The following GRM7 variants were observed in gnomAD, a reference collection of about 807,000 sequenced individuals.
GRM7 encodes the protein metabotropic glutamate receptor 7.
Under a neutral mutation model 84.5 loss-of-function variants are expected in GRM7, and 35 were observed. The ratio of observed to expected loss-of-function variants is 0.41; its 90% confidence interval spans 0.32 to 0.55. The LOEUF is 0.55. GRM7 is among the 20% of genes least tolerant of loss of function. The pLI is 0.19. For missense variants in GRM7, 1,003 were observed against 1,194.6 expected (o/e 0.84, Z 2.36); for synonymous variants, 487 against 455.1 (o/e 1.07, Z -0.89).
intron 8 of GRM7, among the ~76,000 whole-genome samples, chr3:7,580,222 A>T (rs1695180818): frequency 6.6e-6 from 1 of 152,192 alleles, no homozygotes; most frequent in Non-Finnish European, 1.5e-5. Context: ...CAACCCTAAT[A>T]TATTGATAGT....
intron 4 of GRM7, among the ~76,000 whole-genome samples, chr3:7,346,724 A>G (rs778224485): frequency 3.9e-5 from 6 of 152,186 alleles, no homozygotes; most frequent in Non-Finnish European, 8.8e-5. Flanking sequence ...CAGTGAACTC[A>G]GGTCACAGAA....
intron 4 of GRM7, among the ~76,000 whole-genome samples, chr3:7,309,837 C>T (rs781000168): frequency 3.3e-5 from 5 of 152,074 alleles, no homozygotes; most frequent in African/African-American, 4.8e-5. Flanking sequence ...GCTGTGGTCC[C>T]GCTGCCTGCC....
intron 1 of GRM7, among the ~76,000 whole-genome samples, chr3:7,039,714 GAA>G (rs36047929): frequency 4.7e-5 from 7 of 150,058 alleles, no homozygotes; most frequent in African/African-American, 9.7e-5. Flanking sequence ...GAGTAACTGA[GAA>G]AAAAAAAAAT....
At chr3:7,378,090 T>C (rs1205035876) in intron 4 of GRM7, among the ~76,000 whole-genome samples, 1 of 152,142 alleles carries the variant, frequency 6.6e-6, no homozygotes, top group African/African-American at 2.4e-5. Context: ...TAGACAAAAT[T>C]ATATGACTTC....
chr3:7,627,739 G>T (rs907425978), intron 8 of GRM7, among the ~76,000 whole-genome samples: 3 of 152,150 alleles, frequency 2.0e-5, no homozygotes, highest in Non-Finnish European at 4.4e-5. Flanking sequence ...GGTGTTAGCA[G>T]AATTGGTTTC....
intron 1 of GRM7, among the ~76,000 whole-genome samples, chr3:6,969,430 G>C (rs756389434): frequency 4.6e-5 from 7 of 152,094 alleles, no homozygotes; most frequent in Non-Finnish European, 8.8e-5. Flanking sequence ...TTCTGAGGTC[G>C]CATAGTGTAT....
intron 1 of GRM7, among the ~76,000 whole-genome samples, chr3:7,005,516 T>C (rs1435919070): frequency 4.6e-5 from 7 of 152,204 alleles, no homozygotes; most frequent in African/African-American, 1.7e-4. Flanking sequence ...AATAGTACCA[T>C]ATGTTAATTT....
At chr3:7,717,850 T>C (rs1419065032) in intron 9 of GRM7, among the ~76,000 whole-genome samples, 2 of 152,236 alleles carry the variant, frequency 1.3e-5, no homozygotes, top group Non-Finnish European at 1.5e-5. Context: ...TTCAAACCCA[T>C]ACCTGTGTGT....
At chr3:7,047,614 A>T (rs768642404) in intron 1 of GRM7, among the ~76,000 whole-genome samples, 1 of 152,078 alleles carries the variant, frequency 6.6e-6, no homozygotes, top group African/African-American at 2.4e-5. Flanking sequence ...AGTGGTCCCT[A>T]TTGTCTAGTA....
chr3:7,612,381 C>A (rs752362003), intron 8 of GRM7, among the ~76,000 whole-genome samples: 3 of 152,066 alleles, frequency 2.0e-5, no homozygotes, highest in Non-Finnish European at 4.4e-5. Flanking sequence ...TATGCCAGGC[C>A]CTGGGCTAAG....
chr3:7,093,153 C>T (rs1698727932), intron 1 of GRM7, among the ~76,000 whole-genome samples: 1 of 152,054 alleles, frequency 6.6e-6, no homozygotes, highest in Non-Finnish European at 1.5e-5. Context: ...GATGCAGAGA[C>T]CTTTGCCATT....
At chr3:7,321,891 C>T (rs1478696167) in intron 4 of GRM7, among the ~76,000 whole-genome samples, 1 of 152,092 alleles carries the variant, frequency 6.6e-6, no homozygotes, top group Admixed American at 6.6e-5. Context: ...ATCATTCATG[C>T]AGATGCTTAT....
chr3:7,579,004 A>G lies in GRM7; in HGVS notation c.2098A>G (p.Thr700Ala), dbSNP rs370085401. The G allele has an allele frequency of 6.2e-6, 10 of 1,613,970 alleles. No individual in the cohort carries two copies. The highest frequency in any genetic ancestry group is 1.1e-5 in the South Asian group (1 of 91,088). Reference protein sequence around the residue: ...SVTAPRLISPTSQLAITSSLI... With the variant: ...SVTAPRLISPASQLAITSSLI... ...AACAGCTCCCAGACTCATAAGCCCA[A>G]CATCACAACTGGCAATCACTTCCAG... The change falls in exon 8 of 10, where the codon ACA becomes GCA. Residue 700 changes from threonine (T) to alanine (A), a missense_variant. Coordinates refer to ENST00000357716, the MANE Select transcript of GRM7 (RefSeq NM_000844.4).
At chr3:7,091,000 T>C (rs115840749) in intron 1 of GRM7, among the ~76,000 whole-genome samples, 1 of 152,302 alleles carries the variant, frequency 6.6e-6, no homozygotes, top group Non-Finnish European at 1.5e-5. Flanking sequence ...AAAAATTTGT[T>C]TCCAAATAAT....
intron 5 of GRM7, among the ~76,000 whole-genome samples, chr3:7,435,851 CTTTTTTTTTTTTTT>C (rs34860272): frequency 7.8e-5 from 7 of 89,270 alleles, no homozygotes; most frequent in Non-Finnish European, 8.4e-5. Context: ...CCACACCCAT[CTTTTTTTTTTTTTT>C]TTTTTTTTTT....
Position 7,117,158 on chromosome 3 carries a change from C to T in GRM7, c.520-29294C>T, listed in dbSNP as rs75926007. Among the ~76,000 whole-genome samples the T allele has an allele frequency of 5.2e-3, 786 of 152,200 alleles. 2 individuals are homozygous for T. The highest frequency in any genetic ancestry group is 8.2e-3 in the Admixed American group (125 of 15,266). On this transcript the variant is annotated intron_variant, in intron 1 of 9. Coordinates refer to ENST00000357716, the MANE Select transcript of GRM7 (RefSeq NM_000844.4). Reference sequence around the variant, plus strand: ...AAAGAGTGGAGGAGATGGGAAACCCCGCAGTGGCAGCCTTGTAAAGAAAAG... The same window carrying T: ...AAAGAGTGGAGGAGATGGGAAACCCTGCAGTGGCAGCCTTGTAAAGAAAAG...
chr3:7,244,397 G>A (rs1697677180), intron 2 of GRM7, among the ~76,000 whole-genome samples: 1 of 151,966 alleles, frequency 6.6e-6, no homozygotes, highest in African/African-American at 2.4e-5. Flanking sequence ...TAAATTACAT[G>A]CTGATCACTA....
At chr3:7,666,184 T>C (rs1347456157) in intron 8 of GRM7, among the ~76,000 whole-genome samples, 1 of 152,200 alleles carries the variant, frequency 6.6e-6, no homozygotes, top group Non-Finnish European at 1.5e-5. Flanking sequence ...GAGTTACATT[T>C]CTTCATCAGA....
At chr3:6,947,121 G>C (rs1698115259) in intron 1 of GRM7, among the ~76,000 whole-genome samples, 1 of 152,132 alleles carries the variant, frequency 6.6e-6, no homozygotes, top group African/African-American at 2.4e-5. Context: ...GGGCATCCCT[G>C]TCTTGTGCCA....
Sources: gnomAD v4.1 joint callset for allele counts (sites outside exome capture counted in the v4.1 genomes callset) on GRCh38, gnomAD v4.1.1 for gene constraint, MANE v1.5 for transcripts, NCBI Gene and HGNC (gene_info 2026-07-23, HGNC 2026-07-21) for gene names.